The following HECTD4 variants were observed in gnomAD, a reference collection of about 807,000 sequenced individuals.
HECTD4 encodes the protein probable E3 ubiquitin-protein ligase HECTD4.
HECTD4 carries 114 observed loss-of-function variants against 471.5 expected under a neutral mutation model. The observed-to-expected ratio is 0.24, with a 90% CI of 0.21 to 0.28. The LOEUF is 0.28. Ranked by LOEUF, HECTD4 falls within the 10% of genes least tolerant of loss-of-function variation. The probability of loss-of-function intolerance (pLI) is 1.00; values close to 1 mark genes in which losing one functional copy is unlikely to be tolerated. For synonymous variants in HECTD4, 2,012 were observed against 2,256.0 expected, an observed-to-expected ratio of 0.89 and a Z score of 3.07; for missense variants, 3,866 against 5,651.5, an observed-to-expected ratio of 0.68 and a Z score of 10.13.
chr12:112,277,620 T>C (rs975720816), intron 9 of HECTD4, among the ~76,000 whole-genome samples: 1 of 152,136 alleles, frequency 6.6e-6, no homozygotes, highest in Non-Finnish European at 1.5e-5. Flanking sequence ...AAAACCTCAC[T>C]CCATGTACTT....
chr12:112,162,424 C>T lies in HECTD4; in HGVS notation c.13220G>A (p.Cys4407Tyr). Reference sequence around the variant, plus strand: ...GGGGTCTTCACGGTAGTGAATGGCACAACGAAGTTTCTCCAGCATGATTTC... The same window carrying T: ...GGGGTCTTCACGGTAGTGAATGGCATAACGAAGTTTCTCCAGCATGATTTC... ...SLEIMLEKLRCAIHYREDPLS... is the reference protein window; with the variant it reads ...SLEIMLEKLRYAIHYREDPLS... Residue 4407 changes from cysteine to tyrosine, a missense_variant, in exon 76 of 76, where the codon TGT becomes TAT. Coordinates refer to ENST00000682272, the MANE Select transcript of HECTD4 (RefSeq NM_001388303.1). This position sits in a 1 kb window ranked among gnomAD's most constrained non-coding sequence, Gnocchi z 5.2. 5.0e-6 allele frequency: 8 copies of T among 1,614,052 alleles called. No homozygotes were observed. The highest frequency in any genetic ancestry group is 6.8e-6 in the Non-Finnish European group (8 of 1,179,894).
At chr12:112,270,575 A>G in intron 11 of HECTD4, 116 bp from the exon 12 acceptor site, 2 of 836,076 alleles carry the variant, frequency 2.4e-6, no homozygotes, top group Non-Finnish European at 3.8e-6. Flanking sequence ...TTTTGGCTAT[A>G]ATCTCTTTCA....
intron 1 of HECTD4, among the ~76,000 whole-genome samples, chr12:112,345,007 A>C (rs1046463513): frequency 6.6e-6 from 1 of 152,134 alleles, no homozygotes; most frequent in African/African-American, 2.4e-5. Context: ...CTGTCCCAGC[A>C]CTTTGGGAGG....
At chr12:112,185,924 A>G (rs2031844484) in intron 60 of HECTD4, among the ~76,000 whole-genome samples, 1 of 152,022 alleles carries the variant, frequency 6.6e-6, no homozygotes, top group African/African-American at 2.4e-5. Context: ...TTCCTTTTAA[A>G]CTCCTCTTTT....
rs2030759284 is a variant in HECTD4 at position 112,163,060 on chromosome 12, G to A, written c.13102C>T (p.Pro4368Ser). Reference protein sequence around the residue: ...HVPPYPMKIAPPDGTAGSPDS... With the variant: ...HVPPYPMKIASPDGTAGSPDS... Reference sequence around the variant, plus strand: ...GCGGTACCTGCTGTGCCATCTGGGGGGGCGATCTTCATGGGGTACGGGGGC... The same window carrying A: ...GCGGTACCTGCTGTGCCATCTGGGGAGGCGATCTTCATGGGGTACGGGGGC... The change falls in exon 75 of 76, where the codon CCC (proline) becomes TCC (serine). Residue 4368 changes from proline to serine, a missense_variant. By Grantham distance (74) the Pro-to-Ser change is moderately conservative (BLOSUM62 -1). Around this residue, in one of 16 missense-constraint regions of HECTD4, gnomAD observed 715 missense variants for 1,087.6 expected, o/e 0.66. Transcript: ENST00000682272. This position sits in a 1 kb window ranked among gnomAD's most constrained non-coding sequence, Gnocchi z 8.2. The A allele has an allele frequency of 6.2e-7, 1 of 1,611,850 alleles. No individual in the cohort carries two copies. The highest frequency in any genetic ancestry group is 8.5e-7 in the Non-Finnish European group (1 of 1,178,570).
chr12:112,285,759 C>T (rs868580494), intron 7 of HECTD4, among the ~76,000 whole-genome samples: 14 of 152,062 alleles, frequency 9.2e-5, no homozygotes, highest in African/African-American at 2.7e-4. Context: ...CGATCTAGTT[C>T]CACTTTTCTA....
chr12:112,189,793 G>A (rs898160912), intron 60 of HECTD4, among the ~76,000 whole-genome samples: 1 of 151,716 alleles, frequency 6.6e-6, no homozygotes, highest in Non-Finnish European at 1.5e-5. Flanking sequence ...CGCTCTTGTT[G>A]CCCAGGCTGG....
At chr12:112,324,028 TCCTTC>T (rs2035670197) in intron 1 of HECTD4, among the ~76,000 whole-genome samples, 1 of 53,976 alleles carries the variant, frequency 1.9e-5, no homozygotes. Context: ...CTTCCTTCCT[TCCTTC>T]CTTCCTTCCT....
chr12:112,309,521 T>C (rs1246521528), intron 5 of HECTD4, 40 bp downstream of exon 5: 1 of 852,414 alleles, frequency 1.2e-6, no homozygotes, highest in African/African-American at 1.7e-5. Context: ...AGGAGGATAA[T>C]GTTCTAGCCC....
intron 2 of HECTD4, among the ~76,000 whole-genome samples, chr12:112,316,479 G>A (rs1354803419): frequency 6.6e-6 from 1 of 151,982 alleles, no homozygotes; most frequent in Non-Finnish European, 1.5e-5. Flanking sequence ...TTTTAGGCAC[G>A]GTCTACCTGC....
intron 10 of HECTD4, 124 bp downstream of exon 10, chr12:112,274,723 A>G (rs562261701): frequency 2.0e-4 from 135 of 660,504 alleles, no homozygotes; most frequent in South Asian, 7.1e-4. Context: ...ACAAAACAAA[A>G]CAAAACAAAA....
At chr12:112,286,313 C>T (rs1205668289) in intron 7 of HECTD4, among the ~76,000 whole-genome samples, 1 of 152,208 alleles carries the variant, frequency 6.6e-6, no homozygotes, top group African/African-American at 2.4e-5. Flanking sequence ...ACCAGCCTCC[C>T]AACCTGTCTT....
At chr12:112,273,845 ATACATATTTCT>A (rs768409647) in intron 10 of HECTD4, 50 bp from the exon 11 acceptor site, 78 of 1,595,256 alleles carry the variant, frequency 4.9e-5, no homozygotes, top group Admixed American at 3.7e-4. Context: ...AGCTACCTGT[ATACATATTTCT>A]CACAAGCACT....
chr12:112,356,698 A>C (rs1309431958), intron 1 of HECTD4, among the ~76,000 whole-genome samples: 1 of 152,134 alleles, frequency 6.6e-6, no homozygotes, highest in East Asian at 1.9e-4. Context: ...TCGGCCTCCC[A>C]AAGTGCTGGG....
chr12:112,207,147 T>C (rs1463803596), intron 52 of HECTD4, among the ~76,000 whole-genome samples: 1 of 151,930 alleles, frequency 6.6e-6, no homozygotes, highest in Non-Finnish European at 1.5e-5. Context: ...TGTATGTATG[T>C]ATGTATGTAT....
At chr12:112,313,869 A>T (rs928997289) in intron 3 of HECTD4, among the ~76,000 whole-genome samples, 3 of 152,116 alleles carry the variant, frequency 2.0e-5, no homozygotes, top group African/African-American at 7.2e-5. Context: ...TTTTATGTGT[A>T]TTTTTGTGTG....
chr12:112,187,622 CTTTTTTTT>C (rs150976845), intron 60 of HECTD4, among the ~76,000 whole-genome samples: 1 of 85,962 alleles, frequency 1.2e-5, no homozygotes, highest in Non-Finnish European at 2.1e-5. Context: ...GTTTCCTTTC[CTTTTTTTT>C]TTTTTTTTTT....
chr12:112,351,415 A>C (rs1229812146), intron 1 of HECTD4, among the ~76,000 whole-genome samples: 1 of 152,204 alleles, frequency 6.6e-6, no homozygotes, highest in South Asian at 2.1e-4. Context: ...TCCTTCTCCT[A>C]TCTCAAAATA....
chr12:112,205,781 T>C (rs538599375), intron 52 of HECTD4, among the ~76,000 whole-genome samples: 2 of 152,074 alleles, frequency 1.3e-5, no homozygotes, highest in African/African-American at 2.4e-5. Flanking sequence ...TTAGTAGAGA[T>C]GGGGGTTCAC....
Sources: allele counts gnomAD v4.1 joint callset (sites outside exome capture counted in the v4.1 genomes callset), GRCh38; gene constraint gnomAD v4.1.1; regional missense constraint gnomAD v4.1.1; non-coding constraint Gnocchi (gnomAD v3.1); transcripts MANE v1.5; gene names NCBI Gene and HGNC (gene_info 2026-07-23, HGNC 2026-07-21).